SDK1: variants seen among roughly 807,000 people sequenced by gnomAD.
SDK1 encodes the protein protein sidekick-1.
SDK1 carries 157 observed loss-of-function variants against 245.5 expected under a neutral mutation model. The observed-to-expected ratio is 0.64, with a 90% CI of 0.56 to 0.73. The LOEUF is 0.73. SDK1 is among the 30% of genes least tolerant of loss of function. The pLI, the probability that SDK1 is intolerant of heterozygous loss-of-function variation, is 0.00. For missense variants in SDK1, 3,583 were observed against 3,002.3 expected, an observed-to-expected ratio of 1.19 and a Z score of -4.52; for synonymous variants, 1,647 against 1,278.5, an observed-to-expected ratio of 1.29 and a Z score of -6.15.
At chr7:3,581,978 G>A (rs1011785311) in intron 1 of SDK1, among the ~76,000 whole-genome samples, 2 of 152,210 alleles carry the variant, frequency 1.3e-5, no homozygotes, top group African/African-American at 4.8e-5. Context: ...AACAGACACC[G>A]GGGCCTACTT....
chr7:3,642,802 A>G (rs1030213250), intron 4 of SDK1: 2 of 152,224 alleles, frequency 1.3e-5, no homozygotes, highest in African/African-American at 4.8e-5. Context: ...ACCTAATTTA[A>G]AGACAATATT....
At chr7:4,261,313 C>T (rs889377244) in intron 44 of SDK1, among the ~76,000 whole-genome samples, 2 of 152,154 alleles carry the variant, frequency 1.3e-5, no homozygotes, top group Non-Finnish European at 2.9e-5. Flanking sequence ...TCACCGCACC[C>T]AGGGACGCTT....
chr7:4,221,192 C>T (rs947764770), intron 39 of SDK1, 47 bp from the exon 40 acceptor site: 4 of 1,604,480 alleles, frequency 2.5e-6, no homozygotes, highest in Non-Finnish European at 3.4e-6. Flanking sequence ...GGGATGTGAG[C>T]CCCGCAGGGC....
chr7:4,176,680 T>G (rs993293677), intron 34 of SDK1, among the ~76,000 whole-genome samples: 3 of 152,316 alleles, frequency 2.0e-5, no homozygotes, highest in African/African-American at 4.8e-5. Context: ...CACATTCAAC[T>G]TTCTGTCTCG....
Position 3,662,627 on chromosome 7 carries a change from C to G in SDK1, c.713+20522C>G, listed in dbSNP as rs146804940. Among the ~76,000 whole-genome samples the G allele has an allele frequency of 5.0e-3, 766 of 152,300 alleles. 8 individuals are homozygous for G. Among genetic ancestry groups the G allele is most frequent in the African/African-American group, 0.017 (708 of 41,556 alleles). On this transcript the variant is annotated intron_variant, in intron 4 of 44. Transcript: ENST00000404826. The stretch of plus-strand genomic sequence containing the variant: ...GCTTGGGTTCGGAGAAATGGTTCCT[C>G]TCTTAAGAGCACAACAGCAACAACA...
chr7:3,483,324 G>A (rs1056070751), intron 1 of SDK1, among the ~76,000 whole-genome samples: 3 of 151,794 alleles, frequency 2.0e-5, no homozygotes, highest in Non-Finnish European at 2.9e-5. Context: ...CCTTTTTTTA[G>A]TTTTATACCC....
At chr7:3,577,840 C>A (rs555264040) in intron 1 of SDK1, among the ~76,000 whole-genome samples, 3 of 152,006 alleles carry the variant, frequency 2.0e-5, no homozygotes, top group Non-Finnish European at 4.4e-5. Context: ...ACTTCCTCAT[C>A]TCCTGCATTG....
At chr7:3,623,889 A>G (rs1782026645) in intron 2 of SDK1, among the ~76,000 whole-genome samples, 1 of 152,230 alleles carries the variant, frequency 6.6e-6, no homozygotes, top group Non-Finnish European at 1.5e-5. Context: ...ATGACAATAT[A>G]AAAATAGAAA....
At position 3,439,536 on chromosome 7, in the gene SDK1, A is replaced by G. The variant is rs182934314; in HGVS notation, c.298+137652A>G. On this transcript the variant is annotated intron_variant, in intron 1 of 44. Coordinates refer to ENST00000404826, the MANE Select transcript of SDK1 (RefSeq NM_152744.4). Reference sequence around the variant, plus strand: ...ATAAGCTAAATCCAGATTGCAACATACTACTCATTCTGAATCTGTAAGGGA... The same window carrying G: ...ATAAGCTAAATCCAGATTGCAACATGCTACTCATTCTGAATCTGTAAGGGA... Among the ~76,000 whole-genome samples, 254 of 152,312 alleles carry G rather than the reference A, an allele frequency of 1.7e-3. 1 individual carries two copies. Among genetic ancestry groups the G allele is most frequent in the African/African-American group, 5.8e-3 (240 of 41,558 alleles).
At chr7:3,808,277 CT>C (rs1285298021) in intron 4 of SDK1, among the ~76,000 whole-genome samples, 2 of 152,174 alleles carry the variant, frequency 1.3e-5, no homozygotes, top group Non-Finnish European at 2.9e-5. Context: ...CATGGTGCCC[CT>C]TCTGAGAAGT....
rs148012806 is a variant in SDK1, at chr7:3,577,958, A to C, written c.299-41122A>C. ...CTTAGAGAAATGATTAGAAGGAGCA[A>C]GAGCTGAGAGACTAGTGAAATTTAT... is the stretch of plus-strand genomic sequence containing the variant. On this transcript the variant is annotated intron_variant, in intron 1 of 44. Transcript: ENST00000404826. 2.7e-3 allele frequency among the ~76,000 whole-genome samples: 414 copies of C among 152,180 alleles called. 4 individuals are homozygous for C. The highest frequency in any genetic ancestry group is 9.7e-3 in the African/African-American group (405 of 41,574).
At chr7:3,699,972 T>C (rs1784693080) in intron 4 of SDK1, among the ~76,000 whole-genome samples, 1 of 142,214 alleles carries the variant, frequency 7.0e-6, no homozygotes, top group Admixed American at 7.2e-5. Flanking sequence ...GTACCTGACA[T>C]ATAGGGGGAA....
chr7:3,747,520 C>T (rs1372511860), intron 4 of SDK1, among the ~76,000 whole-genome samples: 1 of 152,100 alleles, frequency 6.6e-6, no homozygotes, highest in Non-Finnish European at 1.5e-5. Context: ...CAAATGCTGT[C>T]GTGGGCCTTG....
intron 5 of SDK1, among the ~76,000 whole-genome samples, chr7:3,848,173 A>C (rs1261239148): frequency 1.3e-5 from 2 of 152,244 alleles, no homozygotes; most frequent in African/African-American, 4.8e-5. Flanking sequence ...AATATATTAC[A>C]AACTTCATAA....
At chr7:3,816,163 C>G (rs887608073) in intron 4 of SDK1, among the ~76,000 whole-genome samples, 5 of 148,248 alleles carry the variant, frequency 3.4e-5, no homozygotes, top group African/African-American at 1.3e-4. Flanking sequence ...AAAATTGACA[C>G]CCTAACATCA....
intron 1 of SDK1, among the ~76,000 whole-genome samples, chr7:3,542,693 A>G (rs893647369): frequency 6.6e-6 from 1 of 152,160 alleles, no homozygotes; most frequent in African/African-American, 2.4e-5. Context: ...TTACAGTACT[A>G]TTGTCTCTCT....
intron 4 of SDK1, among the ~76,000 whole-genome samples, chr7:3,699,850 A>G (rs780113684): frequency 6.6e-6 from 1 of 152,228 alleles, no homozygotes; most frequent in Non-Finnish European, 1.5e-5. Flanking sequence ...ATAACCTTTC[A>G]AGAAGCCGAG....
chr7:3,952,069 C>G lies in SDK1; in HGVS notation c.1150+149C>G, dbSNP rs911125146. On this transcript the variant is annotated intron_variant, in intron 7 of 44. Transcript: ENST00000404826. ...GTTGAGTTTACCTTCGAAATCCTTC[C>G]TAGCCTTCTTTCCCAAGAATATAAG... 4 of 682,814 alleles carry G rather than the reference C, an allele frequency of 5.9e-6. No individual in the cohort carries two copies. In the African/African-American group the frequency reaches 7.3e-5, roughly 12 times the overall value. 42.3% of individuals were successfully genotyped at this position (682,814 alleles called of 1,614,324 possible).
intron 5 of SDK1, among the ~76,000 whole-genome samples, chr7:3,894,718 A>C (rs1378838708): frequency 8.4e-6 from 1 of 119,174 alleles, no homozygotes; most frequent in Non-Finnish European, 1.7e-5. Flanking sequence ...TTTTTTTTTG[A>C]GACGGAGTCT....
Sources: allele counts gnomAD v4.1 joint callset (sites outside exome capture counted in the v4.1 genomes callset), GRCh38; gene constraint gnomAD v4.1.1; transcripts MANE v1.5; gene names NCBI Gene and HGNC (gene_info 2026-07-23, HGNC 2026-07-21).